The following PRKN variants were observed in gnomAD, a reference collection of about 807,000 sequenced individuals.
PRKN encodes parkin RBR E3 ubiquitin protein ligase, also known as E3 ubiquitin-protein ligase parkin.
A neutral mutation model predicts 59.5 loss-of-function variants in PRKN; 56 were observed. The ratio of observed to expected loss-of-function variants is 0.94; its 90% CI spans 0.76 to 1.18. The LOEUF (loss-of-function observed/expected upper bound fraction) is 1.18. PRKN is among the 50% of genes most tolerant of loss of function. PRKN has a pLI of 0.00. For missense variants in PRKN, 657 were observed against 596.4 expected (o/e 1.10, Z -1.06); for synonymous variants, 250 against 222.1 (o/e 1.13, Z -1.12).
chr6:162,308,976 T>C (rs1244521196), intron 2 of PRKN, among the ~76,000 whole-genome samples: 1 of 151,892 alleles, frequency 6.6e-6, no homozygotes, highest in African/African-American at 2.4e-5. Flanking sequence ...GAAATAAACA[T>C]AAAAAAATGG....
chr6:162,163,819 C>A (rs1396668050), intron 4 of PRKN, among the ~76,000 whole-genome samples: 1 of 113,124 alleles, frequency 8.8e-6, no homozygotes, highest in Non-Finnish European at 1.8e-5. Flanking sequence ...CTCATGGTGC[C>A]CAGCGCACGT....
intron 6 of PRKN, among the ~76,000 whole-genome samples, chr6:161,959,610 T>G (rs1049413714): frequency 3.9e-5 from 6 of 152,224 alleles, no homozygotes; most frequent in African/African-American, 9.6e-5. Context: ...TTAAAATATA[T>G]TTGCTTGTAG....
chr6:162,496,649 T>C (rs992771659), intron 1 of PRKN, among the ~76,000 whole-genome samples: 2 of 152,196 alleles, frequency 1.3e-5, no homozygotes, highest in African/African-American at 4.8e-5. Flanking sequence ...CTCCTCGCAA[T>C]GATCCTGAGT....
At position 162,676,858 on chromosome 6, in the gene PRKN, T is replaced by C. The variant is rs142152580; in HGVS notation, c.7+50804A>G. ...AGGTAGATCATTGAGGCCAGGAGTT[T>C]GTGAGCAGCCTGGCCAACATGGTGA... On this transcript the variant is annotated intron_variant, in intron 1 of 11. Coordinates refer to ENST00000366898, the MANE Select transcript of PRKN (RefSeq NM_004562.3). 1.1e-3 allele frequency among the ~76,000 whole-genome samples: 164 copies of C among 151,996 alleles called. 8 individuals are homozygous for C. The East Asian group carries it at 0.026, about 24-fold the overall frequency.
Position 161,419,543 on chromosome 6 carries a change from G to A in PRKN, c.1084-32666C>T, listed in dbSNP as rs1266482336. ...GCTGGGATTACAGGTACACGCCACT[G>A]CGCCTGGCTAATTTTTGTATTTTTT... On this transcript the variant is annotated intron_variant, in intron 9 of 11. Transcript: ENST00000366898. The surrounding 1 kb of genome is among the most constrained non-coding windows in gnomAD (Gnocchi z 4.1). Among the ~76,000 whole-genome samples the A allele has an allele frequency of 2.0e-5, 3 of 151,844 alleles. No homozygotes were observed. Among genetic ancestry groups the A allele is most frequent in the Non-Finnish European group, 4.4e-5 (3 of 67,992 alleles).
intron 2 of PRKN, among the ~76,000 whole-genome samples, chr6:162,429,275 T>A (rs1273684767): frequency 6.6e-6 from 1 of 152,156 alleles, no homozygotes; most frequent in Non-Finnish European, 1.5e-5. Context: ...GGCTTTTATC[T>A]TCATGGCACT....
rs71004062 is a variant in PRKN, at chr6:161,703,839, CTTTTTTTTTTT to C, written c.871+81922_871+81932del. ...CACACATCTCTCTCTCTCTCTCTCT[CTTTTTTTTTTT>C]TTTTTTTTTTTTTTTTTTTTTTTTT... On this transcript the variant is annotated intron_variant, in intron 7 of 11. Coordinates refer to ENST00000366898, the MANE Select transcript of PRKN (RefSeq NM_004562.3). Among the ~76,000 whole-genome samples, 274 of 59,822 alleles carry C rather than the reference CTTTTTTTTTTT, an allele frequency of 4.6e-3. 3 individuals carry two copies. Among genetic ancestry groups the C allele is most frequent in the African/African-American group, 0.013 (220 of 16,770 alleles). The allele number at this position is 59,822 out of a possible 152,430, so 39.2% of individuals were successfully genotyped here. A position where few individuals can be genotyped will look rare whatever the true frequency, so the allele number is the denominator to read the frequency against.
intron 1 of PRKN, among the ~76,000 whole-genome samples, chr6:162,500,858 A>C (rs1477576898): frequency 6.6e-6 from 1 of 152,112 alleles, no homozygotes; most frequent in Non-Finnish European, 1.5e-5. Flanking sequence ...TATTAATTTT[A>C]TTACTTACAT....
rs951825321 is a variant in PRKN, at chr6:161,552,575, GA to G, written c.934-3573del. Among the ~76,000 whole-genome samples, 12 of 146,040 alleles carry G rather than the reference GA, an allele frequency of 8.2e-5. No homozygotes were observed. Among genetic ancestry groups the G allele is most frequent in the African/African-American group, 2.6e-4 (10 of 37,834 alleles). On this transcript the variant is annotated intron_variant, in intron 8 of 11. Coordinates refer to ENST00000366898, the MANE Select transcript of PRKN (RefSeq NM_004562.3). This position sits in a 1 kb window ranked among gnomAD's most constrained non-coding sequence, Gnocchi z 4.9. ...TGACCTGTCCAAATCCTTCCACATT[GA>G]AAAAAAACAAAAACAAAAAACAAAA...
intron 4 of PRKN, among the ~76,000 whole-genome samples, chr6:162,173,198 G>T (rs1029665299): frequency 2.0e-5 from 3 of 152,182 alleles, no homozygotes; most frequent in Non-Finnish European, 2.9e-5. Context: ...CAGCCCTCCA[G>T]CTTCCAGCTG....
At chr6:162,423,225 T>TA (rs1481063372) in intron 2 of PRKN, among the ~76,000 whole-genome samples, 2 of 152,156 alleles carry the variant, frequency 1.3e-5, no homozygotes, top group Non-Finnish European at 2.9e-5. Context: ...TGTCTGGCTT[T>TA]ATATATGTAC....
At chr6:161,815,696 C>G (rs1583200274) in intron 6 of PRKN, among the ~76,000 whole-genome samples, 1 of 152,158 alleles carries the variant, frequency 6.6e-6, no homozygotes, top group East Asian at 1.9e-4. Context: ...CAGAGAGTGG[C>G]CAGGCCCTGG....
At chr6:161,663,573 G>C (rs1336589085) in intron 7 of PRKN, among the ~76,000 whole-genome samples, 1 of 152,130 alleles carries the variant, frequency 6.6e-6, no homozygotes, top group Non-Finnish European at 1.5e-5. Flanking sequence ...CCTCACTGCA[G>C]TTCATGCCAG....
chr6:162,678,458 C>T (rs190913596), intron 1 of PRKN, among the ~76,000 whole-genome samples: 13 of 152,272 alleles, frequency 8.5e-5, no homozygotes, highest in Admixed American at 6.5e-4. Context: ...TATCCTCACC[C>T]GTACTTGGCA....
chr6:162,357,804 T>C (rs1208944943), intron 2 of PRKN, among the ~76,000 whole-genome samples: 1 of 152,198 alleles, frequency 6.6e-6, no homozygotes, highest in South Asian at 2.1e-4. Flanking sequence ...TGAAAGTCTG[T>C]CTGTAAAGGC....
chr6:162,015,862 A>C (rs1422335226), intron 5 of PRKN, among the ~76,000 whole-genome samples: 1 of 152,224 alleles, frequency 6.6e-6, no homozygotes, highest in Non-Finnish European at 1.5e-5. Context: ...ATTCATGGAA[A>C]GTATCTACTC....
At chr6:162,462,533 G>A (rs578054902) in intron 1 of PRKN, among the ~76,000 whole-genome samples, 2 of 152,252 alleles carry the variant, frequency 1.3e-5, no homozygotes, top group African/African-American at 4.8e-5. Flanking sequence ...GTGTGTGGAT[G>A]TGTGCGTACA....
chr6:161,790,706 T>C (rs1412434406), intron 6 of PRKN, among the ~76,000 whole-genome samples: 2 of 152,142 alleles, frequency 1.3e-5, no homozygotes, highest in African/African-American at 4.8e-5. Flanking sequence ...GACTTCCCAG[T>C]CTCCGGAACC....
At chr6:161,874,999 ATAT>A (rs1794659509) in intron 6 of PRKN, among the ~76,000 whole-genome samples, 1 of 92,846 alleles carries the variant, frequency 1.1e-5, no homozygotes, top group South Asian at 3.3e-4. Flanking sequence ...TTTATATATA[ATAT>A]ATTATATATT....
Sources: allele counts gnomAD v4.1 joint callset (sites outside exome capture counted in the v4.1 genomes callset), GRCh38; gene constraint gnomAD v4.1.1; non-coding constraint Gnocchi (gnomAD v3.1); transcripts MANE v1.5; gene names NCBI Gene and HGNC (gene_info 2026-07-23, HGNC 2026-07-21).